The following NLGN4X variants were observed in gnomAD, a reference collection of about 807,000 sequenced individuals.
NLGN4X encodes neuroligin 4 X-linked, also known as neuroligin-4, X-linked.
NLGN4X carries 3 observed loss-of-function variants against 40.3 expected under a neutral mutation model. That is an observed-to-expected ratio of 0.07 (90% CI 0.03 to 0.19). The LOEUF is 0.19. NLGN4X is among the 10% of genes least tolerant of loss of function. The pLI, the probability that NLGN4X is intolerant of heterozygous loss-of-function variation, is 1.00. For missense variants in NLGN4X, 382 were observed against 708.3 expected, an observed-to-expected ratio of 0.54 and a Z score of 5.23; for synonymous variants, 270 against 306.8, an observed-to-expected ratio of 0.88 and a Z score of 1.25.
At chrX:6,113,742 G>A (rs982763793) in intron 2 of NLGN4X, among the ~76,000 whole-genome samples, 1 of 110,290 alleles carries the variant, frequency 9.1e-6, no homozygotes, top group Admixed American at 9.7e-5. Flanking sequence ...TGGACTTAAG[G>A]ACTGACTTAT....
At chrX:6,197,637 T>C (rs1411558729) in intron 1 of NLGN4X, among the ~76,000 whole-genome samples, 1 of 111,000 alleles carries the variant, frequency 9.0e-6, no homozygotes, top group Non-Finnish European at 1.9e-5. Context: ...ATATCATTTG[T>C]AATAATTTAC....
chrX:6,056,621 T>C (rs2038354128), intron 2 of NLGN4X, among the ~76,000 whole-genome samples: 1 of 112,483 alleles, frequency 8.9e-6, no homozygotes, highest in Non-Finnish European at 1.9e-5. Context: ...TAAATGGATA[T>C]GTGTAACATG....
At chrX:5,936,204 A>G (rs2033724507) in intron 3 of NLGN4X, among the ~76,000 whole-genome samples, 1 of 112,103 alleles carries the variant, frequency 8.9e-6, no homozygotes, top group Non-Finnish European at 1.9e-5. Flanking sequence ...AAAAAATGAT[A>G]CATCCTTGCA....
chrX:6,116,602 CTACCTCA>C (rs2039308487), intron 2 of NLGN4X, among the ~76,000 whole-genome samples: 1 of 76,891 alleles, frequency 1.3e-5, no homozygotes, highest in Admixed American at 1.5e-4. Context: ...AGTGATTCTT[CTACCTCA>C]GCCCCCGCCT....
At chrX:5,909,374 G>A in intron 3 of NLGN4X, 135 bp from the exon 4 acceptor site, 1 of 734,212 alleles carries the variant, frequency 1.4e-6, no homozygotes, top group East Asian at 3.5e-5. Context: ...CCAATTAGAG[G>A]AAGAACAGGA....
At chrX:5,963,277 G>A (rs1017648954) in intron 3 of NLGN4X, among the ~76,000 whole-genome samples, 1 of 111,259 alleles carries the variant, frequency 9.0e-6, no homozygotes, top group Non-Finnish European at 1.9e-5. Context: ...TTTATGAGCT[G>A]TCAGAGGCAA....
chrX:6,217,934 G>T (rs187445611), intron 1 of NLGN4X, among the ~76,000 whole-genome samples: 2 of 111,497 alleles, frequency 1.8e-5, no homozygotes, highest in East Asian at 5.6e-4. Context: ...TTTGATTGTG[G>T]TTTACTTATA....
At chrX:6,221,979 C>T (rs1019614061) in intron 1 of NLGN4X, among the ~76,000 whole-genome samples, 2 of 111,944 alleles carry the variant, frequency 1.8e-5, no homozygotes, top group Admixed American at 9.5e-5. Context: ...AAACAAACCA[C>T]AATTCACCAT....
At chrX:5,943,258 G>A (rs1268853069) in intron 3 of NLGN4X, among the ~76,000 whole-genome samples, 1 of 111,594 alleles carries the variant, frequency 9.0e-6, no homozygotes, top group Non-Finnish European at 1.9e-5. Flanking sequence ...CCAATAGCCT[G>A]CAAGGAAGCA....
chrX:6,216,189 A>AC (rs1556011418), intron 1 of NLGN4X, among the ~76,000 whole-genome samples: 1 of 111,389 alleles, frequency 9.0e-6, no homozygotes, highest in Non-Finnish European at 1.9e-5. Context: ...TGAAGAGAGA[A>AC]TTTTTTTCCT....
chrX:6,186,068 G>T (rs1356929453), intron 1 of NLGN4X, among the ~76,000 whole-genome samples: 1 of 112,503 alleles, frequency 8.9e-6, no homozygotes, highest in Non-Finnish European at 1.9e-5. Context: ...TGTTGTTAAT[G>T]CTAATGTATT....
chrX:6,036,285 T>A (rs892164220), intron 2 of NLGN4X, among the ~76,000 whole-genome samples: 2 of 111,704 alleles, frequency 1.8e-5, no homozygotes, highest in Non-Finnish European at 3.8e-5. Context: ...TAAAAACTCC[T>A]GCTGAGATTT....
At chrX:6,139,789 G>T (rs2039903397) in intron 2 of NLGN4X, among the ~76,000 whole-genome samples, 1 of 111,781 alleles carries the variant, frequency 8.9e-6, no homozygotes, top group Non-Finnish European at 1.9e-5. Context: ...GATCTCTCCA[G>T]ATATCCACTT....
chrX:5,991,780 G>C (rs2035691966), intron 3 of NLGN4X, among the ~76,000 whole-genome samples: 1 of 112,036 alleles, frequency 8.9e-6, no homozygotes, highest in Non-Finnish European at 1.9e-5. Flanking sequence ...CAGGATAATT[G>C]CATATCCAAT....
chrX:6,228,762 T>G lies in NLGN4X; in HGVS notation c.-527A>C, dbSNP rs1926592306. On this transcript the variant is annotated 5_prime_UTR_variant, in exon 1 of 6. Transcript: ENST00000381095. Reference sequence around the variant, plus strand: ...TTCGTTGTTTCTGCCGCCAATAGTCTGTGGACGGGCAGAACAAGCATTACA... The same window carrying G: ...TTCGTTGTTTCTGCCGCCAATAGTCGGTGGACGGGCAGAACAAGCATTACA... 1.8e-5 allele frequency: 2 copies of G among 111,633 alleles called. No individual in the cohort carries two copies. The highest frequency in any genetic ancestry group is 2.8e-4 in the East Asian group (1 of 3,563). The allele number at this position is 111,633 out of a possible 1,213,427, so 9.2% of individuals were successfully genotyped here.
Position 5,957,899 on chromosome X carries a change from A to T in NLGN4X, c.626-48660T>A, listed in dbSNP as rs5961899. On this transcript the variant is annotated intron_variant, in intron 3 of 5. Transcript: ENST00000381095. ...GTTTAATTTTTGCAAAAGCATTAAA[A>T]TTTTTTCCCTATTGTGTAGGAAAGT... is the stretch of plus-strand genomic sequence containing the variant. Among the ~76,000 whole-genome samples the T allele has an allele frequency of 8.8e-3, 989 of 112,016 alleles. 11 individuals are homozygous for T. Among genetic ancestry groups the T allele is most frequent in the African/African-American group, 0.031 (954 of 30,832 alleles).
chrX:6,154,782 T>C (rs986227299), intron 1 of NLGN4X, among the ~76,000 whole-genome samples: 4 of 112,021 alleles, frequency 3.6e-5, no homozygotes, highest in African/African-American at 1.3e-4. Context: ...CATAAAATAA[T>C]AATATCTCAG....
At chrX:6,105,135 A>T (rs1161029710) in intron 2 of NLGN4X, among the ~76,000 whole-genome samples, 1 of 109,231 alleles carries the variant, frequency 9.2e-6, no homozygotes, top group Non-Finnish European at 1.9e-5. Context: ...ATTTTGACTC[A>T]CTGCAACTTC....
At chrX:6,029,159 G>A in intron 3 of NLGN4X, 121 bp downstream of exon 3, 11 of 813,531 alleles carry the variant, frequency 1.4e-5, no homozygotes, top group South Asian at 8.6e-5. Context: ...AGTAAATACC[G>A]TGAAGTGGAA....
Sources: gnomAD v4.1 joint callset for allele counts (sites outside exome capture counted in the v4.1 genomes callset) on GRCh38, gnomAD v4.1.1 for gene constraint, MANE v1.5 for transcripts, NCBI Gene and HGNC (gene_info 2026-07-23, HGNC 2026-07-21) for gene names.